The following ACSF3 variants were observed in gnomAD, a reference collection of about 807,000 sequenced individuals.
ACSF3 encodes the protein malonate--CoA ligase ACSF3, mitochondrial.
A neutral mutation model predicts 53.2 loss-of-function variants in ACSF3; 78 were observed. That is an observed-to-expected ratio of 1.47 (90% CI 1.22 to 1.77). ACSF3 has a LOEUF of 1.77. Ranked by LOEUF, ACSF3 falls within the 40% of genes most tolerant of loss-of-function variation. ACSF3 has a pLI of 0.00. For synonymous variants in ACSF3, 414 were observed against 333.1 expected, an observed-to-expected ratio of 1.24 and a Z score of -2.65; for missense variants, 937 against 771.1, an observed-to-expected ratio of 1.22 and a Z score of -2.55.
At chr16:89,151,935 A>G (rs553178683) in intron 10 of ACSF3, 1 of 152,292 alleles carries the variant, frequency 6.6e-6, no homozygotes, top group Non-Finnish European at 1.5e-5. Context: ...AAGAAAGATC[A>G]TATCATTTCA....
Position 89,153,655 on chromosome 16 carries a change from C to T in ACSF3, c.1614-435C>T, listed in dbSNP as rs147777579. On this transcript the variant is annotated intron_variant, in intron 10 of 10. Coordinates refer to ENST00000614302, the MANE Select transcript of ACSF3 (RefSeq NM_001243279.3). ...CATACAGGGCAGACTGCCCCTGCCC[C>T]ACCTGCCCACCCACTCCCCAGCCTC... 2,348 of 302,086 alleles carry T rather than the reference C, an allele frequency of 7.8e-3. 17 individuals carry two copies. Among genetic ancestry groups the T allele is most frequent in the Non-Finnish European group, 0.01 (1,611 of 153,860 alleles). The allele number at this position is 302,086 out of a possible 1,614,324, so 18.7% of individuals were successfully genotyped here.
chr16:89,101,242 C>T lies in ACSF3; in HGVS notation c.561C>T (p.Val187=), dbSNP rs113731967. The change falls in exon 3 of 11, where the codon GTC becomes GTT. Residue 187 remains valine (V), a synonymous_variant. Coordinates refer to ENST00000614302, the MANE Select transcript of ACSF3 (RefSeq NM_001243279.3). The part of the protein sequence containing the change: ...GAVEEPAEVP[V]PEQGWRNKGA... The stretch of plus-strand genomic sequence containing the variant: ...TAGAGGAACCGGCAGAGGTCCCGGT[C>T]CCAGAGCAGGGATGGAGGAACAAGG... The T allele has an allele frequency of 5.7e-5, 92 of 1,600,934 alleles. 3 individuals are homozygous for T. The African/African-American group carries it at 7.2e-4, about 13-fold the overall frequency.
At chr16:89,137,769 G>T (rs966760321) in intron 8 of ACSF3, among the ~76,000 whole-genome samples, 15 of 152,166 alleles carry the variant, frequency 9.9e-5, no homozygotes, top group African/African-American at 3.6e-4. Context: ...GGAGCGAGAA[G>T]GGAGCTGGGC....
chr16:89,123,807 G>A (rs946388601), intron 7 of ACSF3, among the ~76,000 whole-genome samples: 3 of 152,174 alleles, frequency 2.0e-5, no homozygotes, highest in Admixed American at 6.5e-5. Flanking sequence ...TCCCCAGGTG[G>A]CAGCTGGCCT....
chr16:89,130,318 T>A (rs1310666998), intron 7 of ACSF3, among the ~76,000 whole-genome samples: 1 of 152,180 alleles, frequency 6.6e-6, no homozygotes, highest in Admixed American at 6.5e-5. Flanking sequence ...ATGCCTATAG[T>A]CCCAGCACTT....
intron 7 of ACSF3, among the ~76,000 whole-genome samples, chr16:89,132,926 C>G (rs535100607): frequency 2.6e-5 from 4 of 152,376 alleles, no homozygotes; most frequent in African/African-American, 7.2e-5. Flanking sequence ...CCAGGGCCCA[C>G]AGAGGACGGC....
chr16:89,152,374 G>C (rs952084173), intron 10 of ACSF3: 1 of 152,272 alleles, frequency 6.6e-6, no homozygotes, highest in Non-Finnish European at 1.5e-5. Context: ...TTGGGAGGCC[G>C]AGGTGGGCAG....
At position 89,145,919 on chromosome 16, in the gene ACSF3, A is replaced by T; in HGVS notation, c.1502-19A>T. 6.2e-7 allele frequency: 1 copy of T among 1,607,720 alleles called. No homozygotes were observed. Among genetic ancestry groups the T allele is most frequent in the Non-Finnish European group, 8.5e-7 (1 of 1,174,162 alleles). On this transcript the variant is annotated intron_variant, in intron 9 of 10. Transcript: ENST00000614302. ...CACTGAGGCATCCCCATGTTCTCAA[A>T]CTGTTCTTCTATCCGCAGATGTGGC...
intron 2 of ACSF3, among the ~76,000 whole-genome samples, chr16:89,099,989 A>G (rs995847248): frequency 6.6e-6 from 1 of 152,076 alleles, no homozygotes; most frequent in African/African-American, 2.4e-5. Flanking sequence ...AAAAAAAAAA[A>G]AAAAAGCTGG....
chr16:89,118,077 C>CG (rs1905602389), intron 6 of ACSF3, among the ~76,000 whole-genome samples: 1 of 149,320 alleles, frequency 6.7e-6, no homozygotes, highest in African/African-American at 2.5e-5. Flanking sequence ...CCTCGGGCGC[C>CG]GGGGACGCTC....
At chr16:89,119,154 C>G (rs920577103) in intron 6 of ACSF3, among the ~76,000 whole-genome samples, 1 of 152,180 alleles carries the variant, frequency 6.6e-6, no homozygotes, top group Non-Finnish European at 1.5e-5. Context: ...ATGGACAATA[C>G]CACTGCTTGG....
Position 89,118,673 on chromosome 16 carries a change from C to T in ACSF3, c.1127-2128C>T, listed in dbSNP as rs541806958. ...TAATTCATGGCCGACCACTGCTGGGCCTCGTCACACTCTAATTGGAGGTTG... is the reference window on the plus strand; with the variant it reads ...TAATTCATGGCCGACCACTGCTGGGTCTCGTCACACTCTAATTGGAGGTTG... On this transcript the variant is annotated intron_variant, in intron 6 of 10. Coordinates refer to ENST00000614302, the MANE Select transcript of ACSF3 (RefSeq NM_001243279.3). 1.2e-3 allele frequency among the ~76,000 whole-genome samples: 177 copies of T among 152,338 alleles called. 1 individual carries two copies. Among genetic ancestry groups the T allele is most frequent in the Admixed American group, 2.9e-3 (44 of 15,304 alleles).
rs948125463 is a variant in ACSF3 at position 89,140,989 on chromosome 16, C to T, written c.1367-4278C>T. On this transcript the variant is annotated intron_variant, in intron 8 of 10. Transcript: ENST00000614302. Reference sequence around the variant, plus strand: ...AGCCCATTGGCAGCCGACTCCGATTCCAGAATCGATGCATTTTGATAAATA... The same window carrying T: ...AGCCCATTGGCAGCCGACTCCGATTTCAGAATCGATGCATTTTGATAAATA... 25 of 1,154,168 alleles carry T rather than the reference C, an allele frequency of 2.2e-5. 1 individual carries two copies. The Admixed American group carries it at 6.8e-4, about 31-fold the overall frequency. 71.5% of individuals were successfully genotyped at this position (1,154,168 alleles called of 1,614,324 possible).
chr16:89,146,328 C>T (rs553093405), intron 10 of ACSF3, among the ~76,000 whole-genome samples: 14 of 152,238 alleles, frequency 9.2e-5, no homozygotes, highest in South Asian at 2.1e-4. Context: ...TGGTGGGTTC[C>T]GTCCTGGTCC....
intron 10 of ACSF3, chr16:89,152,118 A>G (rs1244154804): frequency 3.3e-5 from 5 of 152,276 alleles, no homozygotes; most frequent in African/African-American, 9.6e-5. Flanking sequence ...GTGACCAGGA[A>G]GGGGCGCCTG....
At position 89,155,425 on chromosome 16, in the gene ACSF3, C is replaced by G. The variant is rs1189702268; in HGVS notation, c.*1218C>G. On this transcript the variant is annotated 3_prime_UTR_variant, in exon 11 of 11. Coordinates refer to ENST00000614302, the MANE Select transcript of ACSF3 (RefSeq NM_001243279.3). ...GCGGACAGTTGGACGTGGCCTGGGG[C>G]CCCTGCTCACTTGAGCATGTCGCCC... 1 of 454,122 alleles carries G rather than the reference C, an allele frequency of 2.2e-6. No individual in the cohort carries two copies. Among genetic ancestry groups the G allele is most frequent in the East Asian group, 6.9e-5 (1 of 14,394 alleles). 28.1% of individuals were successfully genotyped at this position (454,122 alleles called of 1,614,324 possible). A position where few individuals can be genotyped will look rare whatever the true frequency, so the allele number is the denominator to read the frequency against.
chr16:89,128,026 T>C (rs1221878121), intron 7 of ACSF3, among the ~76,000 whole-genome samples: 1 of 152,040 alleles, frequency 6.6e-6, no homozygotes, highest in Non-Finnish European at 1.5e-5. Context: ...GAAGTCACTT[T>C]TGGATACATT....
chr16:89,126,246 G>A (rs924194045), intron 7 of ACSF3, among the ~76,000 whole-genome samples: 1 of 152,034 alleles, frequency 6.6e-6, no homozygotes, highest in African/African-American at 2.4e-5. Context: ...ACTATTGTAA[G>A]TATGGCAGGT....
intron 4 of ACSF3, among the ~76,000 whole-genome samples, chr16:89,106,716 C>T (rs565913921): frequency 3.3e-5 from 5 of 152,294 alleles, no homozygotes; most frequent in Admixed American, 6.5e-5. Flanking sequence ...CAGCTGTCAG[C>T]GTTATTGAAC....
Sources: allele counts gnomAD v4.1 joint callset (sites outside exome capture counted in the v4.1 genomes callset), GRCh38; gene constraint gnomAD v4.1.1; transcripts MANE v1.5; gene names NCBI Gene and HGNC (gene_info 2026-07-23, HGNC 2026-07-21).